Variants in ZFHX2 observed in about 807,000 individuals in gnomAD.
ZFHX2 encodes zinc finger homeobox 2.
A neutral mutation model predicts 164.8 loss-of-function variants in ZFHX2; 75 were observed. That is an observed-to-expected ratio of 0.46 (90% CI 0.38 to 0.55). ZFHX2 has a LOEUF of 0.55. ZFHX2 is among the 20% of genes least tolerant of loss of function. The pLI, the probability that ZFHX2 is intolerant of heterozygous loss-of-function variation, is 0.00. For synonymous variants in ZFHX2, 1,217 were observed against 1,351.4 expected, an observed-to-expected ratio of 0.90 and a Z score of 2.18; for missense variants, 2,933 against 3,308.0, an observed-to-expected ratio of 0.89 and a Z score of 2.78.
chr14:23,531,938 G>C, intron 3 of ZFHX2: 1 of 485,382 alleles, frequency 2.1e-6, no homozygotes. Flanking sequence ...ACCACACCTG[G>C]CTAATTTTTG....
rs756931587 is a variant in ZFHX2, at chr14:23,521,916, G to A, written c.*46C>T. On this transcript the variant is annotated 3_prime_UTR_variant, in exon 10 of 10. Transcript: ENST00000419474. ...CCACCGAACACCCCTTGGGGTAAAA[G>A]AGGGAGCCCTGAGGCCCTCCCCTCT... 43 of 1,533,166 alleles carry A rather than the reference G, an allele frequency of 2.8e-5. No homozygotes were observed. In the South Asian group the frequency reaches 4.8e-4, roughly 17 times the overall value. 95.0% of individuals were successfully genotyped at this position (1,533,166 alleles called of 1,614,324 possible).
rs1372390056 is a variant in ZFHX2 at position 23,533,373 on chromosome 14, C to G, written c.1953G>C (p.Gly651=). The change falls in exon 2 of 10, where the codon GGG becomes GGC. Residue 651 remains glycine, a synonymous_variant. Transcript: ENST00000419474. This position sits in a 1 kb window ranked among gnomAD's most constrained non-coding sequence, Gnocchi z 4.8. The part of the protein sequence containing the change: ...GQPQTPLAGP[G]LRPDKPLEAQ... Reference sequence around the variant, plus strand: ...CTTCCAGGGGCTTGTCTGGCCTCAGCCCCGGGCCAGCCAAGGGAGTCTGAG... The same window carrying G: ...CTTCCAGGGGCTTGTCTGGCCTCAGGCCCGGGCCAGCCAAGGGAGTCTGAG... The G allele has an allele frequency of 2.1e-6, 3 of 1,455,110 alleles. No homozygotes were observed. Among genetic ancestry groups the G allele is most frequent in the Non-Finnish European group, 1.8e-6 (2 of 1,107,530 alleles). 90.1% of individuals were successfully genotyped at this position (1,455,110 alleles called of 1,614,324 possible). A position where few individuals can be genotyped will look rare whatever the true frequency, so the allele number is the denominator to read the frequency against.
At chr14:23,548,197 C>T (rs756023668) in intron 1 of ZFHX2, among the ~76,000 whole-genome samples, 67 of 152,176 alleles carry the variant, frequency 4.4e-4, no homozygotes, top group Non-Finnish European at 8.5e-4. Flanking sequence ...CCTCCTCTTC[C>T]GTCTCTGCCT....
chr14:23,522,168 T>C lies in ZFHX2; in HGVS notation c.7513A>G (p.Ser2505Gly). The C allele has an allele frequency of 1.3e-6, 2 of 1,499,576 alleles. No homozygotes were observed. The highest frequency in any genetic ancestry group is 1.8e-6 in the Non-Finnish European group (2 of 1,128,914). 92.9% of individuals were successfully genotyped at this position (1,499,576 alleles called of 1,614,324 possible). A position where few individuals can be genotyped will look rare whatever the true frequency, so the allele number is the denominator to read the frequency against. ...TGGGAGGCTAGGGCTTCACGCCCAC[T>C]CAGCAGCACCTCACATGCCAGGCAG... Reference protein sequence around the residue: ...YHCLACEVLLSGREALASHLR... With the variant: ...YHCLACEVLLGGREALASHLR... Residue 2505 changes from serine to glycine, a missense_variant, in exon 10 of 10, where the codon AGT becomes GGT. Physicochemically the swap from Ser to Gly is moderately conservative, Grantham distance 56. Coordinates refer to ENST00000419474, the MANE Select transcript of ZFHX2 (RefSeq NM_033400.3).
intron 1 of ZFHX2, among the ~76,000 whole-genome samples, chr14:23,540,666 A>G (rs1441401824): frequency 6.6e-6 from 1 of 152,222 alleles, no homozygotes; most frequent in Non-Finnish European, 1.5e-5. Flanking sequence ...ATCACTCACT[A>G]GCTGTGCAAC....
rs947091455 is a variant in ZFHX2 at position 23,525,107 on chromosome 14, G to C, written c.4835C>G (p.Ser1612Cys). 6.5e-6 allele frequency: 10 copies of C among 1,536,094 alleles called. No individual in the cohort carries two copies. The highest frequency in any genetic ancestry group is 8.7e-6 in the Non-Finnish European group (10 of 1,146,934). Residue 1612 changes from serine to cysteine, a missense_variant, in exon 9 of 10, where the codon TCT (serine) becomes TGT (cysteine). Ser to Cys is a moderately radical substitution (Grantham distance 112, BLOSUM62 -1). Transcript: ENST00000419474. This position sits in a 1 kb window ranked among gnomAD's most constrained non-coding sequence, Gnocchi z 5.9. ...FTEFQTQALQ[S>C]FFETSAYPKD... ...GGGGTAGGCGCTAGTCTCAAAGAAA[G>C]ACTGCAGGGCTTGGGTCTGGAACTC...
Position 23,527,748 on chromosome 14 carries a change from A to G in ZFHX2, c.2991T>C (p.Ala997=). The change falls in exon 7 of 10, where the codon GCT becomes GCC. Residue 997 remains alanine, a synonymous_variant. Transcript: ENST00000419474. ...FLSPESSQVR[A]HTLSQHAVQP... ...GCACTGCATGCTGGGAGAGTGTATGAGCCCTCACCTGGCTGGACTCTGGGC... is the reference window on the plus strand; with the variant it reads ...GCACTGCATGCTGGGAGAGTGTATGGGCCCTCACCTGGCTGGACTCTGGGC... 1 of 1,536,058 alleles carries G rather than the reference A, an allele frequency of 6.5e-7. No homozygotes were observed.
rs1319996890 is a variant in ZFHX2, at chr14:23,535,176, G to A, written c.150C>T (p.Asn50=). 6.5e-7 allele frequency: 1 copy of A among 1,533,204 alleles called. No individual in the cohort carries two copies. Among genetic ancestry groups the A allele is most frequent in the South Asian group, 1.2e-5 (1 of 84,002 alleles). 95.0% of individuals were successfully genotyped at this position (1,533,204 alleles called of 1,614,324 possible). The change falls in exon 2 of 10, where the codon AAC becomes AAT. Residue 50 remains asparagine, a synonymous_variant. Coordinates refer to ENST00000419474, the MANE Select transcript of ZFHX2 (RefSeq NM_033400.3). This position sits in a 1 kb window ranked among gnomAD's most constrained non-coding sequence, Gnocchi z 4.5. ...DPPAASSTSE[N]MRSSEPGGQL... is the part of the protein sequence containing the mutation. ...GTCCCCCTGGCTCTGAGGACCTCAT[G>A]TTCTCAGAGGTGGAGGAGGCAGCAG...
rs910883718 is a variant in ZFHX2 at position 23,551,164 on chromosome 14, T to TGTCC, written c.-50+175_-50+178dup. ...TATCTCCCAGGGCTCTCGGTCTGTC[T>TGTCC]GTCCGTCCGTCCTTGTCCCCTCCCC... On this transcript the variant is annotated intron_variant, in intron 1 of 9. Transcript: ENST00000419474. The surrounding 1 kb of genome is among the most constrained non-coding windows in gnomAD (Gnocchi z 5.3). Among the ~76,000 whole-genome samples, 2 of 151,726 alleles carry TGTCC rather than the reference T, an allele frequency of 1.3e-5. No homozygotes were observed. The highest frequency in any genetic ancestry group is 2.4e-5 in the African/African-American group (1 of 41,268).
chr14:23,522,710 T>C lies in ZFHX2; in HGVS notation c.6971A>G (p.Asn2324Ser), dbSNP rs746282179. The C allele has an allele frequency of 1.1e-5, 17 of 1,536,432 alleles. No homozygotes were observed. The highest frequency in any genetic ancestry group is 5.9e-5 in the South Asian group (5 of 84,054). ...KPVAGPTSSSNDALKNLKALK... is the reference protein window; with the variant it reads ...KPVAGPTSSSSDALKNLKALK... Reference sequence around the variant, plus strand: ...TGCTTTGAGGTTCTTGAGGGCATCATTGGAGGAGCTGGTGGGGCCTGCAAC... The same window carrying C: ...TGCTTTGAGGTTCTTGAGGGCATCACTGGAGGAGCTGGTGGGGCCTGCAAC... The change falls in exon 10 of 10, where the codon AAT becomes AGT. Residue 2324 changes from asparagine to serine, a missense_variant. Coordinates refer to ENST00000419474, the MANE Select transcript of ZFHX2 (RefSeq NM_033400.3).
At chr14:23,543,789 A>G (rs993038574) in intron 1 of ZFHX2, 3 of 152,300 alleles carry the variant, frequency 2.0e-5, no homozygotes, top group African/African-American at 4.8e-5. Flanking sequence ...CCATATTAGC[A>G]TATGAACTTC....
At position 23,534,925 on chromosome 14, in the gene ZFHX2, C is replaced by T. The variant is rs1384623593; in HGVS notation, c.401G>A (p.Ser134Asn). 2.0e-6 allele frequency: 3 copies of T among 1,536,204 alleles called. No individual in the cohort carries two copies. In the South Asian group the frequency reaches 3.6e-5, roughly 18 times the overall value. Residue 134 changes from serine to asparagine, a missense_variant, in exon 2 of 10, where the codon AGT becomes AAT. Physicochemically the swap from Ser to Asn is conservative, Grantham distance 46. Transcript: ENST00000419474. This position sits in a 1 kb window ranked among gnomAD's most constrained non-coding sequence, Gnocchi z 4.5. ...GAAGCCCTTTGGTAACAGGAGTTCACTGCCACCTGGCAGGGACAGCTTGGC... is the reference window on the plus strand; with the variant it reads ...GAAGCCCTTTGGTAACAGGAGTTCATTGCCACCTGGCAGGGACAGCTTGGC... ...LVAKLSLPGG[S>N]ELLLPKGFPW...
chr14:23,535,375 C>T lies in ZFHX2; in HGVS notation c.-49-1G>A, dbSNP rs953635334. ...TCATGTCAGCGTGACAGCCAGTACCCTGTAGGGAGACAAGGAGAGAGCAGT... is the reference window on the plus strand; with the variant it reads ...TCATGTCAGCGTGACAGCCAGTACCTTGTAGGGAGACAAGGAGAGAGCAGT... On this transcript the variant is annotated splice_acceptor_variant, in intron 1 of 9. Coordinates refer to ENST00000419474, the MANE Select transcript of ZFHX2 (RefSeq NM_033400.3). LOFTEE classifies it low-confidence loss of function (5UTR_SPLICE). This position sits in a 1 kb window ranked among gnomAD's most constrained non-coding sequence, Gnocchi z 4.5. 19 of 1,434,178 alleles carry T rather than the reference C, an allele frequency of 1.3e-5. No homozygotes were observed. Among genetic ancestry groups the T allele is most frequent in the Non-Finnish European group, 1.6e-5 (18 of 1,097,048 alleles). 88.8% of individuals were successfully genotyped at this position (1,434,178 alleles called of 1,614,324 possible).
chr14:23,532,655 T>A lies in ZFHX2; in HGVS notation c.2471A>T (p.Asn824Ile), dbSNP rs868791553. 6.7e-7 allele frequency: 1 copy of A among 1,489,134 alleles called. No individual in the cohort carries two copies. Among genetic ancestry groups the A allele is most frequent in the Non-Finnish European group, 8.9e-7 (1 of 1,121,852 alleles). The allele number at this position is 1,489,134 out of a possible 1,614,324, so 92.2% of individuals were successfully genotyped here. A position where few individuals can be genotyped will look rare whatever the true frequency, so the allele number is the denominator to read the frequency against. Residue 824 changes from asparagine to isoleucine, a missense_variant, in exon 3 of 10, where the codon AAC becomes ATC. Physicochemically the swap from Asn to Ile is moderately radical, Grantham distance 149 (BLOSUM62 -3). Transcript: ENST00000419474. ...GSVSPLHLRC[N>I]ICDFESNSKE... is the part of the protein sequence containing the mutation. ...GCTGTTGGACTCAAAGTCACAGATG[T>A]TGCAGCGCAGGTGTAGTGGGGAGAC...
chr14:23,530,293 G>A lies in ZFHX2; in HGVS notation c.2801-99C>T, dbSNP rs1239868963. On this transcript the variant is annotated intron_variant, in intron 4 of 9. Coordinates refer to ENST00000419474, the MANE Select transcript of ZFHX2 (RefSeq NM_033400.3). Reference sequence around the variant, plus strand: ...CAGGACAAGCAGCCAGTCAATGAAGGAGAAAATGGATGGCTCAATCAGCAG... The same window carrying A: ...CAGGACAAGCAGCCAGTCAATGAAGAAGAAAATGGATGGCTCAATCAGCAG... 1.1e-4 allele frequency: 99 copies of A among 922,060 alleles called. No individual in the cohort carries two copies. The East Asian group carries it at 2.5e-3, about 24-fold the overall frequency. The allele number at this position is 922,060 out of a possible 1,614,324, so 57.1% of individuals were successfully genotyped here.
At position 23,526,986 on chromosome 14, in the gene ZFHX2, A is replaced by G. The variant is rs571747101; in HGVS notation, c.3136-13T>C. 36 of 1,497,012 alleles carry G rather than the reference A, an allele frequency of 2.4e-5. No homozygotes were observed. Among genetic ancestry groups the G allele is most frequent in the Non-Finnish European group, 3.0e-5 (34 of 1,128,628 alleles). The allele number at this position is 1,497,012 out of a possible 1,614,324, so 92.7% of individuals were successfully genotyped here. On this transcript the variant is annotated splice_polypyrimidine_tract_variant and intron_variant, in intron 7 of 9. Coordinates refer to ENST00000419474, the MANE Select transcript of ZFHX2 (RefSeq NM_033400.3). ...CTACAGTTGTAGCCTGCAATGAGAA[A>G]AAGCCTAGTGGCTTCACCACCACCC...
At chr14:23,536,675 CAG>C (rs1384284994) in intron 1 of ZFHX2, among the ~76,000 whole-genome samples, 2 of 152,126 alleles carry the variant, frequency 1.3e-5, no homozygotes, top group African/African-American at 4.8e-5. Context: ...ATCCAAGAAA[CAG>C]AGATGTTAAG....
upstream of ZFHX2, among the ~76,000 whole-genome samples, chr14:23,553,698 T>C (rs1157681176): frequency 6.7e-6 from 1 of 149,684 alleles, no homozygotes; most frequent in Non-Finnish European, 1.5e-5. Flanking sequence ...ATCGAGACCA[T>C]CCTGACTAAC....
chr14:23,555,294 G>A (rs1244480074), upstream of ZFHX2, among the ~76,000 whole-genome samples: 1 of 152,082 alleles, frequency 6.6e-6, no homozygotes, highest in East Asian at 1.9e-4. Context: ...CAACCGCACC[G>A]GCCTTTCTGT....
Sources: allele counts gnomAD v4.1 joint callset (sites outside exome capture counted in the v4.1 genomes callset), GRCh38; gene constraint gnomAD v4.1.1; non-coding constraint Gnocchi (gnomAD v3.1); transcripts MANE v1.5; gene names NCBI Gene and HGNC (gene_info 2026-07-23, HGNC 2026-07-21).